The following SPAG9 variants were observed in gnomAD, a reference collection of about 807,000 sequenced individuals.
SPAG9 encodes C-Jun-amino-terminal kinase-interacting protein 4.
In SPAG9, 35 loss-of-function variants were observed where a neutral mutation model predicts 166.5. That is an observed-to-expected ratio of 0.21 (90% CI 0.16 to 0.28). SPAG9 has a LOEUF of 0.28. Among genes scored for constraint, SPAG9 ranks in the 10% least tolerant of loss-of-function variants. SPAG9 has a pLI of 1.00. For synonymous variants in SPAG9, 534 were observed against 565.5 expected, an observed-to-expected ratio of 0.94 and a Z score of 0.79; for missense variants, 1,235 against 1,603.3, an observed-to-expected ratio of 0.77 and a Z score of 3.92.
At chr17:51,057,502 T>C (rs1037192122) in intron 2 of SPAG9, among the ~76,000 whole-genome samples, 1 of 152,216 alleles carries the variant, frequency 6.6e-6, no homozygotes, top group East Asian at 1.9e-4. Flanking sequence ...TGAACTAATA[T>C]TCTGACAGCA....
chr17:51,020,837 C>T (rs965910037), intron 7 of SPAG9, among the ~76,000 whole-genome samples: 1 of 152,134 alleles, frequency 6.6e-6, no homozygotes, highest in Non-Finnish European at 1.5e-5. Context: ...TTATCAATAT[C>T]CTCCCATATA....
intron 1 of SPAG9, among the ~76,000 whole-genome samples, chr17:51,088,998 C>T (rs1480404471): frequency 6.6e-6 from 1 of 151,514 alleles, no homozygotes; most frequent in African/African-American, 2.4e-5. Flanking sequence ...AAGGCTGAGG[C>T]AGGAGAATCA....
intron 12 of SPAG9, among the ~76,000 whole-genome samples, chr17:51,004,983 A>T (rs1280927386): frequency 6.6e-6 from 1 of 152,212 alleles, no homozygotes; most frequent in African/African-American, 2.4e-5. Context: ...ATGCAACTAC[A>T]GGTAAGAGCA....
chr17:51,045,144 C>T (rs1048231221), intron 4 of SPAG9, among the ~76,000 whole-genome samples: 4 of 152,298 alleles, frequency 2.6e-5, no homozygotes, highest in African/African-American at 7.2e-5. Context: ...CCTACGGCCA[C>T]GTGCAATAGA....
chr17:51,045,274 T>A (rs891575665), intron 4 of SPAG9, among the ~76,000 whole-genome samples: 1 of 152,220 alleles, frequency 6.6e-6, no homozygotes, highest in African/African-American at 2.4e-5. Context: ...CCCCTTAACA[T>A]TAGTCTTATA....
In SPAG9 at chr17:50,977,118, T is replaced by C; in HGVS notation, c.3513A>G (p.Pro1171=). 6.3e-7 allele frequency: 1 copy of C among 1,592,866 alleles called. No homozygotes were observed. The highest frequency in any genetic ancestry group is 8.6e-7 in the Non-Finnish European group (1 of 1,160,968). ...GTGNGVIISI[P]LTETNKTSGV... ...TAAAAATATACTTACTTTCTGTCAA[T>C]GGGATGGAGATAATGACACCATTTC... The change falls in exon 27 of 30, where the codon CCA becomes CCG. Residue 1171 remains proline, a synonymous_variant. Coordinates refer to ENST00000262013, the MANE Select transcript of SPAG9 (RefSeq NM_001130528.3).
At chr17:51,061,612 CAAAAAAAAAAA>C (rs34010166) in intron 2 of SPAG9, among the ~76,000 whole-genome samples, 37 of 31,734 alleles carry the variant, frequency 1.2e-3, no homozygotes, top group African/African-American at 2.6e-3. Flanking sequence ...GCTCTGTCTC[CAAAAAAAAAAA>C]AAAAAAAAAA....
chr17:50,981,847 T>C (rs934960042), intron 25 of SPAG9, among the ~76,000 whole-genome samples: 3 of 151,596 alleles, frequency 2.0e-5, no homozygotes, highest in African/African-American at 7.3e-5. Flanking sequence ...CTGGCCAACA[T>C]GGTGAAACCC....
intron 7 of SPAG9, 90 bp from the exon 8 acceptor site, chr17:51,020,348 T>A: frequency 1.3e-6 from 1 of 780,306 alleles, no homozygotes; most frequent in Non-Finnish European, 2.1e-6. Flanking sequence ...TGTAAAGGTA[T>A]CATTTGAACA....
chr17:51,075,902 T>C (rs1228416728), intron 2 of SPAG9, among the ~76,000 whole-genome samples: 1 of 151,758 alleles, frequency 6.6e-6, no homozygotes, highest in Non-Finnish European at 1.5e-5. Flanking sequence ...GAGACCATCC[T>C]GGCTAACACA....
chr17:51,110,205 A>C (rs2049067296), intron 1 of SPAG9, among the ~76,000 whole-genome samples: 1 of 152,186 alleles, frequency 6.6e-6, no homozygotes, highest in South Asian at 2.1e-4. Flanking sequence ...ATGTGTGTAT[A>C]TGTGTATCCA....
intron 1 of SPAG9, among the ~76,000 whole-genome samples, chr17:51,109,809 T>C (rs532342274): frequency 1.3e-5 from 2 of 152,210 alleles, no homozygotes; most frequent in East Asian, 3.9e-4. Flanking sequence ...CTTCCTAGGC[T>C]GGTGCGATCC....
intron 8 of SPAG9, chr17:51,016,101 T>C (rs897983066): frequency 6.6e-6 from 1 of 152,124 alleles, no homozygotes; most frequent in Non-Finnish European, 1.5e-5. Context: ...GTAATGTCTT[T>C]GCAATTCTGA....
rs189170147 is a variant in SPAG9, at chr17:50,990,174, C to A, written c.2617+276G>T. The stretch of plus-strand genomic sequence containing the variant: ...TCCCGAGTAGCTGGGACTACAGGCA[C>A]CCGCCACCACGCCCGGTTAATTTTT... On this transcript the variant is annotated intron_variant, in intron 20 of 29. Transcript: ENST00000262013. The A allele has an allele frequency of 1.2e-3, 596 of 513,166 alleles. 1 individual carries two copies. The highest frequency in any genetic ancestry group is 9.4e-3 in the African/African-American group (488 of 52,082). 31.8% of individuals were successfully genotyped at this position (513,166 alleles called of 1,614,324 possible).
chr17:51,046,422 T>C, intron 4 of SPAG9: 2 of 969,984 alleles, frequency 2.1e-6, no homozygotes, highest in Non-Finnish European at 3.0e-6. Context: ...CAACAGAAAT[T>C]GTTACAAAGC....
intron 6 of SPAG9, among the ~76,000 whole-genome samples, chr17:51,028,339 G>A (rs151025712): frequency 6.6e-6 from 1 of 152,190 alleles, no homozygotes; most frequent in African/African-American, 2.4e-5. Context: ...TAATGCTCTA[G>A]GCCTTCATAT....
intron 8 of SPAG9, among the ~76,000 whole-genome samples, chr17:51,018,825 C>A (rs1341577433): frequency 6.6e-6 from 1 of 152,178 alleles, no homozygotes; most frequent in East Asian, 1.9e-4. Context: ...CAAAGTAGCA[C>A]CGCTGCCAGC....
At position 51,060,862 on chromosome 17, in the gene SPAG9, C is replaced by T. The variant is rs890890969; in HGVS notation, c.425-4380G>A. ...GGTTTTTTTTGTTTTTTTTTTTTTT[C>T]CTTGAGACAGAGTCTCACTCTGTCC... On this transcript the variant is annotated intron_variant, in intron 2 of 29. Transcript: ENST00000262013. 9.9e-3 allele frequency among the ~76,000 whole-genome samples: 1,105 copies of T among 112,154 alleles called. 28 individuals carry two copies. The highest frequency in any genetic ancestry group is 0.074 in the Admixed American group (870 of 11,736). The allele number at this position is 112,154 out of a possible 152,430, so 73.6% of individuals were successfully genotyped here.
At chr17:51,051,733 G>A (rs1376229969) in intron 3 of SPAG9, among the ~76,000 whole-genome samples, 1 of 152,014 alleles carries the variant, frequency 6.6e-6, no homozygotes, top group Non-Finnish European at 1.5e-5. Flanking sequence ...AAAAAATCAG[G>A]CAATAGAATC....
Sources: gnomAD v4.1 joint callset for allele counts (sites outside exome capture counted in the v4.1 genomes callset) on GRCh38, gnomAD v4.1.1 for gene constraint, MANE v1.5 for transcripts, NCBI Gene and HGNC (gene_info 2026-07-23, HGNC 2026-07-21) for gene names.